The following CFAP299 variants were observed in gnomAD, a reference collection of about 807,000 sequenced individuals.
CFAP299 encodes the protein cilia and flagella associated protein 299.
CFAP299 carries 21 observed loss-of-function variants against 27.0 expected under a neutral mutation model. That is an observed-to-expected ratio of 0.78 (90% confidence interval 0.55 to 1.12). CFAP299 has a LOEUF of 1.12. CFAP299 is among the 50% of genes most tolerant of loss of function. The pLI, the probability that CFAP299 is intolerant of heterozygous loss-of-function variation, is 0.00. For synonymous variants in CFAP299, 104 were observed against 98.1 expected (o/e 1.06, Z -0.36); for missense variants, 310 against 276.6 (o/e 1.12, Z -0.86).
intron 3 of CFAP299, among the ~76,000 whole-genome samples, chr4:80,767,582 G>A (rs1725954646): frequency 6.6e-6 from 1 of 151,992 alleles, no homozygotes; most frequent in Non-Finnish European, 1.5e-5. Context: ...GCACTCCAGC[G>A]TCGGCAACAG....
intron 4 of CFAP299, among the ~76,000 whole-genome samples, chr4:80,879,123 T>C (rs940188459): frequency 6.6e-6 from 1 of 152,096 alleles, no homozygotes; most frequent in African/African-American, 2.4e-5. Flanking sequence ...CACAATAAAA[T>C]CACTAAGGTA....
intron 2 of CFAP299, among the ~76,000 whole-genome samples, chr4:80,572,233 C>T (rs1578616270): frequency 6.6e-6 from 1 of 152,100 alleles, no homozygotes; most frequent in East Asian, 1.9e-4. Flanking sequence ...GTACTGTTGA[C>T]TGTAGTCACC....
At chr4:80,871,741 C>T in intron 4 of CFAP299, 1 of 625,692 alleles carries the variant, frequency 1.6e-6, no homozygotes, top group Non-Finnish European at 2.0e-6. Context: ...AACACTTCAG[C>T]ATGGATCTTT....
At chr4:80,818,264 A>G (rs1303256423) in intron 3 of CFAP299, among the ~76,000 whole-genome samples, 2 of 152,160 alleles carry the variant, frequency 1.3e-5, no homozygotes, top group Non-Finnish European at 2.9e-5. Flanking sequence ...ATGGACGTTT[A>G]GGTTGATTCA....
rs141406337 is a variant in CFAP299, at chr4:80,695,603, A to T, written c.333+112420A>T. Among the ~76,000 whole-genome samples, 768 of 151,974 alleles carry T rather than the reference A, an allele frequency of 5.1e-3. 5 individuals carry two copies. Among genetic ancestry groups the T allele is most frequent in the Middle Eastern group, 0.021 (6 of 290 alleles). ...CTATAATTGACTGTATCAAAAATCA[A>T]CCAGTGTAGACCACATATGCTCTAC... On this transcript the variant is annotated intron_variant, in intron 3 of 5. Transcript: ENST00000358105.
chr4:80,335,846 G>C lies in CFAP299; in HGVS notation c.78G>C (p.Ser26=), dbSNP rs143357955. The C allele has an allele frequency of 2.5e-6, 4 of 1,612,758 alleles. No homozygotes were observed. Among genetic ancestry groups the C allele is most frequent in the Middle Eastern group, 1.6e-4 (1 of 6,076 alleles). ...QFNAYEDFLD[S]QITTVDLYYL... is the part of the protein sequence containing the mutation. Reference sequence around the variant, plus strand: ...ACGCCTATGAAGATTTCCTGGACTCGCAGATCACTACTGTGGACTTGTACT... The same window carrying C: ...ACGCCTATGAAGATTTCCTGGACTCCCAGATCACTACTGTGGACTTGTACT... Residue 26 remains serine (S), a synonymous_variant, in exon 1 of 6, where the codon TCG becomes TCC. Coordinates refer to ENST00000358105, the MANE Select transcript of CFAP299 (RefSeq NM_152770.3).
At chr4:80,539,426 T>G (rs76140071) in intron 2 of CFAP299, among the ~76,000 whole-genome samples, 3,053 of 152,160 alleles carry the variant, frequency 0.02, 50 homozygotes, top group Middle Eastern at 0.044. Flanking sequence ...ATTTATTGTG[T>G]TTTTCATGGG....
intron 2 of CFAP299, among the ~76,000 whole-genome samples, chr4:80,549,176 C>A (rs942002736): frequency 6.6e-6 from 1 of 152,048 alleles, no homozygotes; most frequent in Non-Finnish European, 1.5e-5. Context: ...GAAAGTAACA[C>A]ACACACACAC....
chr4:80,705,149 A>G (rs575189348), intron 3 of CFAP299, among the ~76,000 whole-genome samples: 12 of 151,944 alleles, frequency 7.9e-5, no homozygotes, highest in Non-Finnish European at 1.2e-4. Context: ...TAAATAATAT[A>G]ATAGTAACTG....
chr4:80,617,044 T>C (rs1447573951), intron 3 of CFAP299, among the ~76,000 whole-genome samples: 1 of 152,056 alleles, frequency 6.6e-6, no homozygotes, highest in Non-Finnish European at 1.5e-5. Context: ...TAAAACTATC[T>C]ACGGAAATAG....
At chr4:80,825,444 T>C (rs1376274959) in intron 3 of CFAP299, among the ~76,000 whole-genome samples, 1 of 152,014 alleles carries the variant, frequency 6.6e-6, no homozygotes, top group Non-Finnish European at 1.5e-5. Context: ...CTGAGACACA[T>C]TGTAATCAAA....
At chr4:80,459,182 G>T (rs1729318285) in intron 2 of CFAP299, among the ~76,000 whole-genome samples, 1 of 152,008 alleles carries the variant, frequency 6.6e-6, no homozygotes, top group Non-Finnish European at 1.5e-5. Flanking sequence ...TAGAGATAGG[G>T]TCTCCCTATG....
intron 3 of CFAP299, among the ~76,000 whole-genome samples, chr4:80,625,402 G>A (rs12650380): frequency 0.94 from 142,337 of 152,076 alleles, 66,666 homozygotes; most frequent in East Asian, 1. Context: ...TAAAAAGCAA[G>A]CAATCAAAAC....
chr4:80,873,453 A>G (rs1385366683), intron 4 of CFAP299, among the ~76,000 whole-genome samples: 1 of 152,160 alleles, frequency 6.6e-6, no homozygotes, highest in African/African-American at 2.4e-5. Flanking sequence ...TATGTCTTTA[A>G]GATTCAGTAC....
chr4:80,721,737 A>G lies in CFAP299; in HGVS notation c.333+138554A>G, dbSNP rs146152600. 4.3e-3 allele frequency among the ~76,000 whole-genome samples: 661 copies of G among 152,320 alleles called. 5 individuals are homozygous for G. The highest frequency in any genetic ancestry group is 6.9e-3 in the Non-Finnish European group (467 of 68,036). The stretch of plus-strand genomic sequence containing the variant: ...AGAGGGAAGGGAAAATACATTTTAT[A>G]GAGAGAAACAAGGTTAAGGCAAATT... On this transcript the variant is annotated intron_variant, in intron 3 of 5. Transcript: ENST00000358105.
intron 3 of CFAP299, among the ~76,000 whole-genome samples, chr4:80,645,060 C>T (rs1448282890): frequency 6.6e-6 from 1 of 152,054 alleles, no homozygotes; most frequent in Non-Finnish European, 1.5e-5. Flanking sequence ...CCTTGAGTTT[C>T]AGAGTACCTT....
At chr4:80,387,676 T>G (rs1725090956) in intron 2 of CFAP299, 7 of 1,568,152 alleles carry the variant, frequency 4.5e-6, no homozygotes, top group Non-Finnish European at 6.1e-6. Context: ...AACATTAGAC[T>G]TCTGGGCAAA....
chr4:80,346,589 G>T (rs1722739625), intron 1 of CFAP299, among the ~76,000 whole-genome samples: 2 of 151,776 alleles, frequency 1.3e-5, no homozygotes, highest in South Asian at 4.2e-4. Flanking sequence ...GGTTGCATAT[G>T]TGTGGTGTTA....
chr4:80,924,162 G>A (rs34851603), intron 4 of CFAP299, among the ~76,000 whole-genome samples: 11,976 of 151,782 alleles, frequency 0.079, 556 homozygotes, highest in Middle Eastern at 0.18. Flanking sequence ...GAAAGGGGTG[G>A]GTGACCTGAA....
Sources: allele counts gnomAD v4.1 joint callset (sites outside exome capture counted in the v4.1 genomes callset), GRCh38; gene constraint gnomAD v4.1.1; transcripts MANE v1.5; gene names NCBI Gene and HGNC (gene_info 2026-07-23, HGNC 2026-07-21).